Variants in APBB2 observed in about 807,000 individuals in gnomAD.
The protein encoded by APBB2 is Fe65-like 1.
A neutral mutation model predicts 82.5 loss-of-function variants in APBB2; 38 were observed. The ratio of observed to expected loss-of-function variants is 0.46; its 90% CI spans 0.36 to 0.60. APBB2 has a LOEUF of 0.60. Ranked by LOEUF, APBB2 falls within the 20% of genes least tolerant of loss-of-function variation. The probability of loss-of-function intolerance (pLI) is 0.00; values close to 1 mark genes in which losing one functional copy is unlikely to be tolerated. For synonymous variants in APBB2, 341 were observed against 368.2 expected (o/e 0.93, Z 0.85); for missense variants, 772 against 972.3 (o/e 0.79, Z 2.74).
At chr4:40,904,034 A>G (rs1442247997) in intron 10 of APBB2, among the ~76,000 whole-genome samples, 1 of 152,212 alleles carries the variant, frequency 6.6e-6, no homozygotes, top group Non-Finnish European at 1.5e-5. Flanking sequence ...AGAGTTAAGT[A>G]CAGCCCTCTG....
intron 7 of APBB2, among the ~76,000 whole-genome samples, chr4:40,938,484 C>G (rs1008826966): frequency 1.3e-5 from 2 of 152,194 alleles, no homozygotes; most frequent in Admixed American, 6.5e-5. Flanking sequence ...CTTCTGGGGT[C>G]TTGGAAAGCA....
intron 1 of APBB2, among the ~76,000 whole-genome samples, chr4:41,148,521 C>T (rs1308129889): frequency 2.0e-5 from 3 of 152,180 alleles, no homozygotes; most frequent in Non-Finnish European, 4.4e-5. Context: ...AACCACTATG[C>T]TGCTAGATGT....
At chr4:41,120,722 G>A (rs1274640110) in intron 2 of APBB2, among the ~76,000 whole-genome samples, 1 of 152,076 alleles carries the variant, frequency 6.6e-6, no homozygotes. Flanking sequence ...GTACAGCTTG[G>A]GCTGCTTTCA....
chr4:40,969,513 A>G (rs1434953297), intron 6 of APBB2, among the ~76,000 whole-genome samples: 1 of 152,222 alleles, frequency 6.6e-6, no homozygotes, highest in Non-Finnish European at 1.5e-5. Flanking sequence ...TATAAGTGTA[A>G]AAAGCTATTT....
chr4:41,059,278 T>C (rs1253108737), intron 4 of APBB2, among the ~76,000 whole-genome samples: 1 of 152,232 alleles, frequency 6.6e-6, no homozygotes, highest in East Asian at 1.9e-4. Context: ...CTGGCCAACA[T>C]GGTGAAAACC....
chr4:40,846,949 C>A (rs1757857640), intron 12 of APBB2, among the ~76,000 whole-genome samples: 1 of 150,936 alleles, frequency 6.6e-6, no homozygotes, highest in Admixed American at 6.6e-5. Context: ...AAAAAAAAAA[C>A]AAAAAACCAA....
intron 3 of APBB2, among the ~76,000 whole-genome samples, chr4:41,075,025 T>TG (rs1579802375): frequency 6.6e-6 from 1 of 151,934 alleles, no homozygotes; most frequent in African/African-American, 2.4e-5. Context: ...CCCAGCTACC[T>TG]GGGGGGCTGA....
intron 6 of APBB2, among the ~76,000 whole-genome samples, chr4:40,991,981 C>T (rs1226280906): frequency 6.6e-6 from 1 of 152,030 alleles, no homozygotes; most frequent in African/African-American, 2.4e-5. Flanking sequence ...CTCCCCATCT[C>T]TCTCTCTCAC....
chr4:40,898,719 C>T (rs1008883385), intron 10 of APBB2, among the ~76,000 whole-genome samples: 1 of 151,754 alleles, frequency 6.6e-6, no homozygotes, highest in African/African-American at 2.4e-5. Flanking sequence ...TCTTAAAACA[C>T]ACAACAGGCC....
At chr4:41,210,650 A>G (rs1380084487) in intron 1 of APBB2, among the ~76,000 whole-genome samples, 1 of 152,248 alleles carries the variant, frequency 6.6e-6, no homozygotes, top group Admixed American at 6.5e-5. Context: ...ATAAATGAAC[A>G]CAAAACAGTT....
At chr4:41,171,087 G>C (rs1768104289) in intron 1 of APBB2, among the ~76,000 whole-genome samples, 1 of 152,062 alleles carries the variant, frequency 6.6e-6, no homozygotes, top group Non-Finnish European at 1.5e-5. Context: ...TTTCCATGTA[G>C]GCTTGCCTCC....
At chr4:40,817,373 C>T (rs113201062) in intron 17 of APBB2, among the ~76,000 whole-genome samples, 7 of 152,174 alleles carry the variant, frequency 4.6e-5, no homozygotes, top group African/African-American at 9.6e-5. Context: ...ATGGCCACTG[C>T]ACTCCAGCCT....
intron 10 of APBB2, among the ~76,000 whole-genome samples, chr4:40,894,169 TC>T (rs1772964261): frequency 6.7e-6 from 1 of 150,318 alleles, no homozygotes; most frequent in African/African-American, 2.5e-5. Flanking sequence ...GCGCCTCTAG[TC>T]CCGGCTACTC....
At chr4:41,082,103 G>A (rs529562009) in intron 3 of APBB2, among the ~76,000 whole-genome samples, 47 of 152,232 alleles carry the variant, frequency 3.1e-4, no homozygotes, top group Admixed American at 2.1e-3. Context: ...CAGGACACAC[G>A]TTTAGACTTA....
intron 12 of APBB2, among the ~76,000 whole-genome samples, chr4:40,848,052 C>A (rs918978993): frequency 4.6e-5 from 7 of 152,146 alleles, no homozygotes; most frequent in African/African-American, 1.7e-4. Flanking sequence ...GCAATCCACC[C>A]ACCTCAGCTT....
chr4:40,901,909 A>ATATGTGTGTGTGTGTGTGTGTG (rs766567645), intron 10 of APBB2, among the ~76,000 whole-genome samples: 1 of 145,436 alleles, frequency 6.9e-6, no homozygotes, highest in African/African-American at 2.6e-5. Flanking sequence ...ATCCAAAATT[A>ATATGTGTGTGTGTGTGTGTGTG]TGTGTGTGTG....
chr4:40,890,163 T>C, intron 12 of APBB2: 2 of 632,592 alleles, frequency 3.2e-6, no homozygotes, highest in Non-Finnish European at 5.0e-6. Flanking sequence ...ACAAAAGATT[T>C]GAGATACAGA....
chr4:41,188,259 T>C (rs2154068687), intron 1 of APBB2, among the ~76,000 whole-genome samples: 1 of 152,288 alleles, frequency 6.6e-6, no homozygotes, highest in South Asian at 2.1e-4. Context: ...TCCAGAGACA[T>C]TTCCAGCCCT....
At chr4:41,028,846 G>C (rs948237842) in intron 5 of APBB2, among the ~76,000 whole-genome samples, 2 of 152,214 alleles carry the variant, frequency 1.3e-5, no homozygotes, top group African/African-American at 4.8e-5. Flanking sequence ...TACTGGCCCT[G>C]TAACTCGGAC....
Sources: gnomAD v4.1 joint callset for allele counts (sites outside exome capture counted in the v4.1 genomes callset) on GRCh38, gnomAD v4.1.1 for gene constraint, MANE v1.5 for transcripts, NCBI Gene and HGNC (gene_info 2026-07-23, HGNC 2026-07-21) for gene names.